The following OSBPL8 variants were observed in gnomAD, a reference collection of about 807,000 sequenced individuals.
OSBPL8 encodes the protein oxysterol-binding protein-related protein 8.
Under a neutral mutation model 125.5 loss-of-function variants are expected in OSBPL8, and 59 were observed. That is an observed-to-expected ratio of 0.47 (90% CI 0.38 to 0.58). OSBPL8 has a LOEUF of 0.58. Among genes scored for constraint, OSBPL8 ranks in the 20% least tolerant of loss-of-function variants. OSBPL8 has a pLI of 0.00. For synonymous variants in OSBPL8, 330 were observed against 338.9 expected (o/e 0.97, Z 0.29); for missense variants, 758 against 1,047.8 (o/e 0.72, Z 3.82).
Position 76,353,986 on chromosome 12 carries a change from C to T in OSBPL8, c.*1903G>A, listed in dbSNP as rs1440184624. On this transcript the variant is annotated 3_prime_UTR_variant, in exon 24 of 24. Transcript: ENST00000261183. Reference sequence around the variant, plus strand: ...AGTCCTAAGAGGTGGGTCACCAGTACAAAATGTTAACAAGGTTTACTGATG... The same window carrying T: ...AGTCCTAAGAGGTGGGTCACCAGTATAAAATGTTAACAAGGTTTACTGATG... 6.6e-6 allele frequency: 1 copy of T among 152,264 alleles called. No homozygotes were observed. Among genetic ancestry groups the T allele is most frequent in the Admixed American group, 6.6e-5 (1 of 15,248 alleles). The allele number at this position is 152,264 out of a possible 1,614,324, so 9.4% of individuals were successfully genotyped here.
intron 4 of OSBPL8, among the ~76,000 whole-genome samples, chr12:76,428,645 A>G (rs1870443757): frequency 1.3e-5 from 2 of 152,114 alleles, no homozygotes; most frequent in Non-Finnish European, 2.9e-5. Context: ...CAAAACATTA[A>G]GAACAAAAAT....
chr12:76,528,819 A>G (rs1278788759), intron 1 of OSBPL8, among the ~76,000 whole-genome samples: 5 of 152,128 alleles, frequency 3.3e-5, no homozygotes, highest in African/African-American at 1.2e-4. Context: ...GCGCCACTAC[A>G]CTGCAGCCTG....
intron 1 of OSBPL8, among the ~76,000 whole-genome samples, chr12:76,509,501 T>C (rs779343353): frequency 9.2e-5 from 14 of 152,328 alleles, no homozygotes; most frequent in Admixed American, 2.0e-4. Context: ...TCTAAGTGAA[T>C]TGCTTGATTA....
intron 4 of OSBPL8, among the ~76,000 whole-genome samples, chr12:76,415,731 T>C (rs563313870): frequency 2.0e-5 from 3 of 152,332 alleles, no homozygotes; most frequent in Admixed American, 6.5e-5. Context: ...ACTATAGTTA[T>C]ATCTCTTTAT....
intron 3 of OSBPL8, among the ~76,000 whole-genome samples, chr12:76,452,089 C>T (rs1408830834): frequency 2.0e-5 from 3 of 152,038 alleles, no homozygotes; most frequent in South Asian, 2.1e-4. Flanking sequence ...TGCACTCCAG[C>T]CTGGGCAACA....
chr12:76,489,021 T>G (rs1287523977), intron 1 of OSBPL8, among the ~76,000 whole-genome samples: 1 of 152,222 alleles, frequency 6.6e-6, no homozygotes, highest in Admixed American at 6.5e-5. Context: ...TTATTGCTGA[T>G]ATACAGCAAG....
intron 4 of OSBPL8, among the ~76,000 whole-genome samples, chr12:76,443,018 G>GT (rs1460309098): frequency 6.6e-6 from 1 of 152,110 alleles, no homozygotes; most frequent in African/African-American, 2.4e-5. Flanking sequence ...GACTTTGCAG[G>GT]TTTAAGAGAA....
intron 22 of OSBPL8, 26 bp downstream of exon 22, chr12:76,358,680 C>T: frequency 6.6e-7 from 1 of 1,525,532 alleles, no homozygotes; most frequent in Non-Finnish European, 9.1e-7. Context: ...GTTAGACTCT[C>T]ATTAGTCTGC....
intron 1 of OSBPL8, among the ~76,000 whole-genome samples, chr12:76,494,062 T>C (rs1469658549): frequency 1.3e-5 from 2 of 152,152 alleles, no homozygotes; most frequent in African/African-American, 2.4e-5. Context: ...TTTCATTGAG[T>C]TGTCTGTGTT....
At chr12:76,391,598 T>C (rs562673597) in intron 10 of OSBPL8, among the ~76,000 whole-genome samples, 39 of 151,626 alleles carry the variant, frequency 2.6e-4, no homozygotes, top group African/African-American at 8.2e-4. Flanking sequence ...AATAAATAAA[T>C]AGATAAGCCA....
At chr12:76,399,745 C>T (rs1459461229) in intron 7 of OSBPL8, 128 bp downstream of exon 7, 1 of 588,034 alleles carries the variant, frequency 1.7e-6, no homozygotes, top group East Asian at 3.0e-5. Flanking sequence ...ATAATAGTTT[C>T]TTTGCCAGTG....
chr12:76,388,605 A>G (rs1009973188), intron 12 of OSBPL8, among the ~76,000 whole-genome samples: 4 of 152,186 alleles, frequency 2.6e-5, no homozygotes, highest in African/African-American at 9.6e-5. Flanking sequence ...ATAAACAACA[A>G]TAACTTACTA....
chr12:76,556,790 AG>A (rs1482508868), intron 1 of OSBPL8, among the ~76,000 whole-genome samples: 2 of 152,076 alleles, frequency 1.3e-5, no homozygotes, highest in Non-Finnish European at 2.9e-5. Context: ...CAGCCTCCCA[AG>A]TAGCTGGGAT....
Position 76,411,939 on chromosome 12 carries a change from A to G in OSBPL8, c.218-1305T>C, listed in dbSNP as rs190135617. Among the ~76,000 whole-genome samples the G allele has an allele frequency of 2.0e-3, 307 of 152,284 alleles. 1 individual carries two copies. Among genetic ancestry groups the G allele is most frequent in the African/African-American group, 6.5e-3 (271 of 41,558 alleles). The stretch of plus-strand genomic sequence containing the variant: ...ACTACTGGTGAGAACATAGAGTGGC[A>G]TAACAACTTTGAAAAACTACTTGAC... On this transcript the variant is annotated intron_variant, in intron 4 of 23. Transcript: ENST00000261183.
chr12:76,384,186 CTAAA>C, intron 15 of OSBPL8, 64 bp downstream of exon 15: 1 of 899,796 alleles, frequency 1.1e-6, no homozygotes, highest in Non-Finnish European at 1.6e-6. Flanking sequence ...ATGACACTGC[CTAAA>C]TAAAAGCTCA....
At chr12:76,443,168 C>T (rs1872383877) in intron 4 of OSBPL8, among the ~76,000 whole-genome samples, 1 of 152,078 alleles carries the variant, frequency 6.6e-6, no homozygotes, top group African/African-American at 2.4e-5. Flanking sequence ...AAATTTTAAA[C>T]ATTTAAAAAC....
At chr12:76,373,291 T>G (rs1240050773) in intron 18 of OSBPL8, 53 bp downstream of exon 18, 7 of 1,210,838 alleles carry the variant, frequency 5.8e-6, no homozygotes, top group Non-Finnish European at 8.2e-6. Flanking sequence ...TGTGATTTTT[T>G]TTTTCCCACA....
At chr12:76,509,983 C>A (rs946686815) in intron 1 of OSBPL8, among the ~76,000 whole-genome samples, 5 of 152,158 alleles carry the variant, frequency 3.3e-5, no homozygotes, top group Admixed American at 3.3e-4. Context: ...AAAACACTGC[C>A]TCTTCCCAAA....
chr12:76,481,062 C>A (rs559753697), intron 2 of OSBPL8, among the ~76,000 whole-genome samples: 1 of 145,542 alleles, frequency 6.9e-6, no homozygotes, highest in African/African-American at 2.5e-5. Flanking sequence ...AAGGAAGGGG[C>A]CATGAGCCAA....
Sources: allele counts gnomAD v4.1 joint callset (sites outside exome capture counted in the v4.1 genomes callset), GRCh38; gene constraint gnomAD v4.1.1; transcripts MANE v1.5; gene names NCBI Gene and HGNC (gene_info 2026-07-23, HGNC 2026-07-21).